GFRA2: variants seen among roughly 807,000 people sequenced by gnomAD.
GFRA2 encodes the protein GDNF family receptor alpha-2.
In GFRA2, 17 loss-of-function variants were observed where a neutral mutation model predicts 48.3. The ratio of observed to expected loss-of-function variants is 0.35; its 90% CI spans 0.24 to 0.53. GFRA2 has a LOEUF of 0.53. Ranked by LOEUF, GFRA2 falls within the 20% of genes least tolerant of loss-of-function variation. The pLI, the probability that GFRA2 is intolerant of heterozygous loss-of-function variation, is 0.93. For missense variants in GFRA2, 660 were observed against 637.3 expected (o/e 1.04, Z -0.38); for synonymous variants, 305 against 257.2 (o/e 1.19, Z -1.78).
chr8:21,775,229 A>C (rs1275541171), intron 2 of GFRA2, among the ~76,000 whole-genome samples, 174 bp from the exon 3 acceptor site: 3 of 152,212 alleles, frequency 2.0e-5, no homozygotes, highest in African/African-American at 7.2e-5. Context: ...GCACATTAGC[A>C]ACGAAATGTT....
chr8:21,740,713 A>C (rs1585280790), intron 4 of GFRA2, among the ~76,000 whole-genome samples: 1 of 152,316 alleles, frequency 6.6e-6, no homozygotes, highest in Non-Finnish European at 1.5e-5. Flanking sequence ...CAGAATTTAC[A>C]ACCTCAGTCA....
At chr8:21,749,306 G>C (rs1339346199) in intron 4 of GFRA2, among the ~76,000 whole-genome samples, 3 of 151,536 alleles carry the variant, frequency 2.0e-5, no homozygotes, top group Admixed American at 2.0e-4. Context: ...TATATTCCAG[G>C]CTCTGCGCTA....
In GFRA2 at chr8:21,727,401, C is replaced by T. The variant is rs555975255; in HGVS notation, c.795-21360G>A. ...GATTGGGGGTCCCTCAAGTGCAGTC[C>T]CCAGGCCTTGGGCCCTGTGTGACCC... On this transcript the variant is annotated intron_variant, in intron 4 of 8. Coordinates refer to ENST00000524240, the MANE Select transcript of GFRA2 (RefSeq NM_001495.5). Among the ~76,000 whole-genome samples the T allele has an allele frequency of 1.1e-4, 16 of 152,238 alleles. 1 individual carries two copies. In the South Asian group the frequency reaches 3.3e-3, roughly 32 times the overall value.
chr8:21,740,801 G>A (rs1804711903), intron 4 of GFRA2, among the ~76,000 whole-genome samples: 2 of 152,244 alleles, frequency 1.3e-5, no homozygotes, highest in South Asian at 4.1e-4. Context: ...TCTCCCGCCA[G>A]GCCTTCGCCA....
chr8:21,695,932 C>A (rs938217230), intron 7 of GFRA2, among the ~76,000 whole-genome samples: 1 of 152,094 alleles, frequency 6.6e-6, no homozygotes, highest in African/African-American at 2.4e-5. Context: ...GCGTCACTTC[C>A]TACTCTCATT....
In GFRA2 at chr8:21,706,041, C is replaced by G. The variant is rs757402273; in HGVS notation, c.795G>C (p.Arg265=). 6.4e-7 allele frequency: 1 copy of G among 1,558,390 alleles called. No homozygotes were observed. The highest frequency in any genetic ancestry group is 1.2e-5 in the South Asian group (1 of 84,526). Reference sequence around the variant, plus strand: ...TGGCATGGAAGTCGGCCAGCCGGGACCTGGTGGTGGGTAGAAGACGCAATA... The same window carrying G: ...TGGCATGGAAGTCGGCCAGCCGGGAGCTGGTGGTGGGTAGAAGACGCAATA... ...RGVCRTDHLC[R]SRLADFHANC... Residue 265 remains arginine, a splice_region_variant and synonymous_variant, in exon 5 of 9, where the codon CGG becomes CGC. Coordinates refer to ENST00000524240, the MANE Select transcript of GFRA2 (RefSeq NM_001495.5).
At chr8:21,767,082 TCA>T (rs1167383373) in intron 3 of GFRA2, among the ~76,000 whole-genome samples, 3 of 107,792 alleles carry the variant, frequency 2.8e-5, no homozygotes, top group African/African-American at 1.0e-4. Context: ...ATACACTATC[TCA>T]CACACACCCC....
At chr8:21,706,069 G>A (rs1802729840) in intron 4 of GFRA2, 28 bp from the exon 5 acceptor site, 6 of 1,411,390 alleles carry the variant, frequency 4.3e-6, no homozygotes, top group Non-Finnish European at 5.9e-6. Context: ...ACGCAATAGA[G>A]AAAACAGGGG....
intron 8 of GFRA2, 64 bp downstream of exon 8, chr8:21,694,400 G>A (rs552722320): frequency 5.9e-5 from 87 of 1,476,778 alleles, no homozygotes; most frequent in Middle Eastern, 1.7e-4. Flanking sequence ...GAGGCTCGCC[G>A]GGGAAATGCC....
chr8:21,769,255 C>CCCTCCCCAGCA, intron 3 of GFRA2: 1 of 653,508 alleles, frequency 1.5e-6, no homozygotes, highest in Non-Finnish European at 1.9e-6. Context: ...CCGCCCCAGC[C>CCCTCCCCAGCA]CCGCCCCTGC....
intron 4 of GFRA2, among the ~76,000 whole-genome samples, chr8:21,728,563 C>T (rs1156432337): frequency 1.3e-5 from 2 of 152,128 alleles, no homozygotes; most frequent in African/African-American, 4.8e-5. Context: ...GAATGAGCCA[C>T]GGCACCCAGG....
rs373164642 is a variant in GFRA2, at chr8:21,694,310, C to G, written c.1272+154G>C. On this transcript the variant is annotated intron_variant, in intron 8 of 8. Transcript: ENST00000524240. ...CAGCCTTCGCACTCCCCCACCCCACCCCAGCAGAGTAAGTGCCCACCCTGG... is the reference window on the plus strand; with the variant it reads ...CAGCCTTCGCACTCCCCCACCCCACGCCAGCAGAGTAAGTGCCCACCCTGG... Among the ~76,000 whole-genome samples, 453 of 151,944 alleles carry G rather than the reference C, an allele frequency of 3.0e-3. 3 individuals carry two copies. The highest frequency in any genetic ancestry group is 0.01 in the African/African-American group (430 of 41,450).
intron 4 of GFRA2, among the ~76,000 whole-genome samples, chr8:21,738,179 C>CTCCTCATCCCCCTCCCCCT (rs377347035): frequency 3.0e-5 from 2 of 66,490 alleles, no homozygotes; most frequent in African/African-American, 1.6e-4. Flanking sequence ...CCCCCTCCCC[C>CTCCTCATCCCCCTCCCCCT]GTTCCTCCTC....
chr8:21,756,474 G>A (rs1009463544), intron 3 of GFRA2, among the ~76,000 whole-genome samples: 2 of 152,178 alleles, frequency 1.3e-5, no homozygotes, highest in Admixed American at 6.5e-5. Context: ...CCTGCGCTGC[G>A]TTTTCATTAT....
intron 4 of GFRA2, among the ~76,000 whole-genome samples, chr8:21,714,697 A>G (rs2117415445): frequency 6.6e-6 from 1 of 152,244 alleles, no homozygotes; most frequent in South Asian, 2.1e-4. Flanking sequence ...TTTCTGAACA[A>G]TCCCACGAAG....
At chr8:21,811,549 A>C (rs185809025) in intron 1 of GFRA2, among the ~76,000 whole-genome samples, 54 of 152,146 alleles carry the variant, frequency 3.5e-4, no homozygotes, top group African/African-American at 1.3e-3. Context: ...CACCTAGGGC[A>C]CTCGGGTCAG....
chr8:21,797,828 T>C (rs1183320562), intron 2 of GFRA2: 2 of 152,130 alleles, frequency 1.3e-5, no homozygotes, highest in Non-Finnish European at 2.9e-5. Flanking sequence ...AAGGATCCAG[T>C]ATATGGGGAG....
intron 8 of GFRA2, among the ~76,000 whole-genome samples, chr8:21,693,937 T>C (rs1322385156): frequency 6.6e-6 from 1 of 151,032 alleles, no homozygotes; most frequent in African/African-American, 2.4e-5. Flanking sequence ...GGTCTCACAC[T>C]GCCTTTTCTT....
chr8:21,732,128 G>T (rs892226973), intron 4 of GFRA2, among the ~76,000 whole-genome samples: 5 of 152,244 alleles, frequency 3.3e-5, no homozygotes, highest in African/African-American at 7.2e-5. Flanking sequence ...CATAGAACAT[G>T]GTAGACAAGG....
Sources: gnomAD v4.1 joint callset for allele counts (sites outside exome capture counted in the v4.1 genomes callset) on GRCh38, gnomAD v4.1.1 for gene constraint, MANE v1.5 for transcripts, NCBI Gene and HGNC (gene_info 2026-07-23, HGNC 2026-07-21) for gene names.